PTGER3: variants seen among roughly 807,000 people sequenced by gnomAD.
PTGER3 encodes prostaglandin E2 receptor EP3 subtype.
A neutral mutation model predicts 34.7 loss-of-function variants in PTGER3; 22 were observed. The observed-to-expected ratio is 0.63, with a 90% CI of 0.45 to 0.91. PTGER3 has a LOEUF of 0.91. Ranked by LOEUF, PTGER3 falls within the 40% of genes least tolerant of loss-of-function variation. PTGER3 has a pLI of 0.00. For synonymous variants in PTGER3, 241 were observed against 230.1 expected, an observed-to-expected ratio of 1.05 and a Z score of -0.43; for missense variants, 468 against 519.4, an observed-to-expected ratio of 0.90 and a Z score of 0.96.
intron 2 of PTGER3, among the ~76,000 whole-genome samples, chr1:70,957,105 G>A (rs1043818044): frequency 1.3e-5 from 2 of 152,178 alleles, no homozygotes; most frequent in African/African-American, 4.8e-5. Context: ...TCTGAGTCAA[G>A]AAGGCAACAG....
At chr1:70,911,784 ATTTG>A (rs1285739485) in intron 4 of PTGER3, among the ~76,000 whole-genome samples, 3 of 152,106 alleles carry the variant, frequency 2.0e-5, no homozygotes, top group African/African-American at 7.2e-5. Flanking sequence ...TAAAAATTTT[ATTTG>A]TTTGTTTTGA....
intron 2 of PTGER3, chr1:71,010,338 G>T: frequency 2.0e-6 from 2 of 984,732 alleles, no homozygotes; most frequent in Non-Finnish European, 2.4e-6. Flanking sequence ...TCAGCCTGAT[G>T]GACTGTAATG....
chr1:70,974,235 C>A, intron 3 of PTGER3, 62 bp downstream of exon 3: 1 of 1,586,628 alleles, frequency 6.3e-7, no homozygotes, highest in South Asian at 1.2e-5. Context: ...GCATCAACTC[C>A]GATTAGAACA....
intron 2 of PTGER3, chr1:71,011,760 T>C: frequency 1.0e-6 from 1 of 986,818 alleles, no homozygotes. Flanking sequence ...TTTTCTTTAA[T>C]GTAAGGAGGA....
intron 4 of PTGER3, among the ~76,000 whole-genome samples, chr1:70,864,389 C>T (rs1346339759): frequency 3.3e-5 from 5 of 152,134 alleles, no homozygotes; most frequent in Non-Finnish European, 7.3e-5. Flanking sequence ...GGGTGCCTTG[C>T]ACACTGTTGA....
intron 4 of PTGER3, chr1:70,862,450 A>C: frequency 1.8e-6 from 2 of 1,133,034 alleles, no homozygotes; most frequent in Non-Finnish European, 1.2e-6. Context: ...CTGCTTTCAC[A>C]CTGTTGAAGT....
At position 71,037,544 on chromosome 1, in the gene PTGER3, T is replaced by C. The variant is rs562030725; in HGVS notation, c.897+9137A>G. On this transcript the variant is annotated intron_variant, in intron 1 of 3. Transcript: ENST00000306666. ...CTGGATAAAAGAATGTGTGATCTATTTTGTCCATTTGCATACATTTCTATG... is the reference window on the plus strand; with the variant it reads ...CTGGATAAAAGAATGTGTGATCTATCTTGTCCATTTGCATACATTTCTATG... 2.6e-5 allele frequency among the ~76,000 whole-genome samples: 4 copies of C among 152,318 alleles called. No individual in the cohort carries two copies. The East Asian group carries it at 5.8e-4, about 22-fold the overall frequency.
intron 2 of PTGER3, among the ~76,000 whole-genome samples, chr1:70,959,917 A>C (rs1651752058): frequency 1.3e-5 from 2 of 152,116 alleles, no homozygotes; most frequent in African/African-American, 4.8e-5. Flanking sequence ...ACCTTATTTG[A>C]AAATAAGGTC....
In PTGER3 at chr1:70,932,663, A is replaced by G. The variant is rs559133530; in HGVS notation, c.*23+21100T>C. Among the ~76,000 whole-genome samples, 17 of 152,252 alleles carry G rather than the reference A, an allele frequency of 1.1e-4. No homozygotes were observed. In the East Asian group the frequency reaches 2.1e-3, roughly 19 times the overall value. On this transcript the variant is annotated intron_variant, in intron 4 of 4. Transcript: ENST00000370931. ...CTGCCAGGAGAGCAGTATGGGGGAA[A>G]TTGCACCCATGATTTATATTATCTC...
In PTGER3 at chr1:71,037,229, C is replaced by T. The variant is rs189238640; in HGVS notation, c.897+9452G>A. Among the ~76,000 whole-genome samples, 14 of 152,272 alleles carry T rather than the reference C, an allele frequency of 9.2e-5. 1 individual carries two copies. Among genetic ancestry groups the T allele is most frequent in the East Asian group, 5.8e-4 (3 of 5,174 alleles). ...GACTAGTTACATTGGCTTATTGGAA[C>T]GACTGATTATCTACTGTCTGTCTAC... On this transcript the variant is annotated intron_variant, in intron 1 of 3. Coordinates refer to ENST00000306666, the MANE Select transcript of PTGER3 (RefSeq NM_198719.2).
intron 4 of PTGER3, among the ~76,000 whole-genome samples, chr1:70,856,274 A>T (rs1253317333): frequency 6.6e-6 from 1 of 152,016 alleles, no homozygotes; most frequent in African/African-American, 2.4e-5. Flanking sequence ...TTGAAGACAT[A>T]AAAAAGCTAC....
downstream of PTGER3, chr1:70,951,312 G>T (rs145593400): frequency 5.3e-5 from 8 of 152,174 alleles, no homozygotes; most frequent in East Asian, 1.5e-3. Flanking sequence ...CCTATAGAAA[G>T]AAATCATAAG....
chr1:70,971,392 A>G lies in PTGER3; in HGVS notation c.*338T>C, dbSNP rs1653062818. The G allele has an allele frequency of 1.6e-5, 17 of 1,043,812 alleles. No homozygotes were observed. Among genetic ancestry groups the G allele is most frequent in the Non-Finnish European group, 2.0e-5 (17 of 868,674 alleles). The allele number at this position is 1,043,812 out of a possible 1,614,324, so 64.7% of individuals were successfully genotyped here. On this transcript the variant is annotated 3_prime_UTR_variant, in exon 4 of 4. Coordinates refer to ENST00000306666, the MANE Select transcript of PTGER3 (RefSeq NM_198719.2). The stretch of plus-strand genomic sequence containing the variant: ...AAATGTAAAGATGTCCACTTTGGTT[A>G]AGATTCACGTAAAGGTTTGAAGTTG...
rs547548390 is a variant in PTGER3 at position 70,978,268 on chromosome 1, C to T, written c.1078-3880G>A. 4.6e-5 allele frequency among the ~76,000 whole-genome samples: 7 copies of T among 152,208 alleles called. No homozygotes were observed. In the South Asian group the frequency reaches 1.5e-3, roughly 32 times the overall value. ...CTCATCTTTGATTGTAGTACTCAGG[C>T]TAGATATACCTGTATTGCATATTAA... is the stretch of plus-strand genomic sequence containing the variant. On this transcript the variant is annotated intron_variant, in intron 2 of 3. Transcript: ENST00000306666.
At chr1:71,006,276 A>G in intron 2 of PTGER3, 2 of 985,426 alleles carry the variant, frequency 2.0e-6, no homozygotes, top group South Asian at 4.7e-5. Context: ...ATCTTTTCTC[A>G]CGAAGAAAGA....
At chr1:71,031,240 AG>A (rs1659384821) in intron 1 of PTGER3, among the ~76,000 whole-genome samples, 1 of 85,898 alleles carries the variant, frequency 1.2e-5, no homozygotes, top group Non-Finnish European at 2.3e-5. Flanking sequence ...GATAGGTGGC[AG>A]GAAAACACAC....
chr1:70,894,145 TA>T (rs1646675449), intron 4 of PTGER3, among the ~76,000 whole-genome samples: 1 of 151,724 alleles, frequency 6.6e-6, no homozygotes, highest in African/African-American at 2.4e-5. Context: ...ACATCTCTAC[TA>T]AAAATACAAA....
At chr1:70,895,532 G>A (rs1646706106) in intron 4 of PTGER3, among the ~76,000 whole-genome samples, 1 of 152,184 alleles carries the variant, frequency 6.6e-6, no homozygotes, top group African/African-American at 2.4e-5. Context: ...TGTAAACCAA[G>A]TGAACAGACA....
chr1:71,042,483 C>T (rs1387444528), intron 1 of PTGER3, among the ~76,000 whole-genome samples: 2 of 151,798 alleles, frequency 1.3e-5, no homozygotes, highest in African/African-American at 2.4e-5. Context: ...CAGATTATAA[C>T]ATTAATCAGT....
Sources: gnomAD v4.1 joint callset for allele counts (sites outside exome capture counted in the v4.1 genomes callset) on GRCh38, gnomAD v4.1.1 for gene constraint, MANE v1.5 for transcripts, NCBI Gene and HGNC (gene_info 2026-07-23, HGNC 2026-07-21) for gene names.